The following SI variants were observed in gnomAD, a reference collection of about 807,000 sequenced individuals.
The protein encoded by SI is sucrase-isomaltase, intestinal.
Under a neutral mutation model 253.3 loss-of-function variants are expected in SI, and 235 were observed. That is an observed-to-expected ratio of 0.93 (90% CI 0.83 to 1.03). The LOEUF (loss-of-function observed/expected upper bound fraction) is 1.03. Among genes scored for constraint, SI ranks in the 50% least tolerant of loss-of-function variants. The probability of loss-of-function intolerance (pLI) is 0.00; values close to 1 mark genes in which losing one functional copy is unlikely to be tolerated. For missense variants in SI, 2,442 were observed against 2,211.1 expected (o/e 1.10, Z -2.09); for synonymous variants, 819 against 712.0 (o/e 1.15, Z -2.39).
the SI span, among the ~76,000 whole-genome samples, chr3:165,084,092 C>A: frequency 6.6e-6 from 1 of 151,918 alleles, no homozygotes; most frequent in Non-Finnish European, 1.5e-5. Context: ...GTAATTAGGT[C>A]ATTGAGATGG....
At chr3:165,067,794 G>C (rs1204269122) in intron 5 of SI, among the ~76,000 whole-genome samples, 1 of 151,706 alleles carries the variant, frequency 6.6e-6, no homozygotes, top group Non-Finnish European at 1.5e-5. Flanking sequence ...CAGAATATTA[G>C]ACCTTTGTGA....
intron 37 of SI, among the ~76,000 whole-genome samples, chr3:165,002,149 A>T (rs1236739082): frequency 6.6e-6 from 1 of 151,710 alleles, no homozygotes; most frequent in East Asian, 1.9e-4. Context: ...TGAAAATAAT[A>T]TATGTGTAGT....
intron 3 of SI, among the ~76,000 whole-genome samples, chr3:165,070,128 AG>A (rs1560018038): frequency 6.8e-6 from 1 of 146,694 alleles, no homozygotes; most frequent in African/African-American, 2.5e-5. Context: ...TAAATAGATA[AG>A]TATATGGGAT....
At chr3:164,991,594 T>A in intron 43 of SI, 117 bp from the exon 44 acceptor site, 2 of 1,036,314 alleles carry the variant, frequency 1.9e-6, no homozygotes, top group African/African-American at 1.6e-5. Context: ...GATTAAAAAA[T>A]TCACATTTAT....
chr3:165,017,448 A>C, intron 31 of SI, 100 bp downstream of exon 31: 1 of 1,194,644 alleles, frequency 8.4e-7, no homozygotes, highest in South Asian at 1.3e-5. Context: ...AAAGCTAAGC[A>C]TTATTACCAG....
At chr3:164,990,707 T>C (rs1370426335) in intron 44 of SI, among the ~76,000 whole-genome samples, 1 of 151,736 alleles carries the variant, frequency 6.6e-6, no homozygotes, top group Non-Finnish European at 1.5e-5. Context: ...TGAGAACACA[T>C]GGACACAGGA....
chr3:165,028,121 G>A (rs1247959560), intron 25 of SI, among the ~76,000 whole-genome samples: 1 of 151,310 alleles, frequency 6.6e-6, no homozygotes, highest in Non-Finnish European at 1.5e-5. Context: ...ACAGAAGTCA[G>A]TAGCTCTTTT....
At chr3:165,036,022 C>T (rs943299670) in intron 22 of SI, among the ~76,000 whole-genome samples, 1 of 151,664 alleles carries the variant, frequency 6.6e-6, no homozygotes, top group African/African-American at 2.4e-5. Context: ...GTTTTATTTT[C>T]TGTTTACAGT....
intron 2 of SI, among the ~76,000 whole-genome samples, chr3:165,074,979 C>A (rs529217192): frequency 2.0e-5 from 3 of 151,792 alleles, no homozygotes; most frequent in African/African-American, 7.2e-5. Flanking sequence ...GTATTTACAA[C>A]TTGTATTTTA....
chr3:165,055,409 A>C (rs1713647123), intron 12 of SI, 102 bp from the exon 13 acceptor site: 1 of 699,078 alleles, frequency 1.4e-6, no homozygotes, highest in East Asian at 2.8e-5. Flanking sequence ...AAATAAAGTT[A>C]TTCTACTTCT....
chr3:165,056,343 G>A (rs1713693041), intron 12 of SI, among the ~76,000 whole-genome samples: 1 of 151,854 alleles, frequency 6.6e-6, no homozygotes, highest in African/African-American at 2.4e-5. Flanking sequence ...CAGAGAGACA[G>A]AGCAAAATGG....
chr3:165,060,137 G>A (rs963194013), intron 9 of SI, 110 bp from the exon 10 acceptor site: 2 of 943,836 alleles, frequency 2.1e-6, no homozygotes, highest in Admixed American at 4.5e-5. Flanking sequence ...ATTCATTTAA[G>A]TTTATATAAT....
chr3:165,080,555 T>C (rs548289329), upstream of SI, among the ~76,000 whole-genome samples: 5 of 152,118 alleles, frequency 3.3e-5, no homozygotes, highest in East Asian at 1.9e-4. Context: ...ATATACACCA[T>C]GGAATACTAT....
At chr3:165,007,071 T>C in intron 36 of SI, 117 bp from the exon 37 acceptor site, 1 of 798,006 alleles carries the variant, frequency 1.3e-6, no homozygotes, top group Non-Finnish European at 2.0e-6. Flanking sequence ...ATAAAACCTA[T>C]GTATATTTTA....
chr3:164,989,610 G>T (rs982059130), intron 44 of SI, among the ~76,000 whole-genome samples: 14 of 151,994 alleles, frequency 9.2e-5, no homozygotes, highest in African/African-American at 3.4e-4. Context: ...GTACTATAAT[G>T]AGTCAGGAAA....
At position 164,998,693 on chromosome 3, in the gene SI, T is replaced by C. The variant is rs372440079; in HGVS notation, c.4407-20A>G. ...AATGCACTAATATAGTAGAGAAGTA[T>C]TTTTGAGTTTTTACATGAGATATTT... On this transcript the variant is annotated intron_variant, in intron 37 of 47. Coordinates refer to ENST00000264382, the MANE Select transcript of SI (RefSeq NM_001041.4). 7.5e-6 allele frequency: 12 copies of C among 1,601,972 alleles called. No individual in the cohort carries two copies. The highest frequency in any genetic ancestry group is 6.0e-6 in the Non-Finnish European group (7 of 1,169,804).
At chr3:164,998,121 G>A (rs1021586750) in intron 38 of SI, among the ~76,000 whole-genome samples, 2 of 151,764 alleles carry the variant, frequency 1.3e-5, no homozygotes, top group African/African-American at 4.8e-5. Flanking sequence ...TTTCACAATA[G>A]TTTAATTAAT....
chr3:165,087,152 C>CG, the SI span, among the ~76,000 whole-genome samples: 1 of 150,378 alleles, frequency 6.6e-6, no homozygotes, highest in East Asian at 2.0e-4. Flanking sequence ...ACAAAACAAA[C>CG]AAACAAAAAA....
At chr3:165,048,039 A>G (rs1713215179) in intron 15 of SI, among the ~76,000 whole-genome samples, 1 of 152,006 alleles carries the variant, frequency 6.6e-6, no homozygotes, top group Non-Finnish European at 1.5e-5. Flanking sequence ...GGATATATTA[A>G]CTTAAACACT....
Sources: allele counts gnomAD v4.1 joint callset (sites outside exome capture counted in the v4.1 genomes callset), GRCh38; gene constraint gnomAD v4.1.1; transcripts MANE v1.5; gene names NCBI Gene and HGNC (gene_info 2026-07-23, HGNC 2026-07-21).